Variants in CDH4 observed in about 807,000 individuals in gnomAD.
The protein encoded by CDH4 is cadherin 4, also known as cadherin-4.
Under a neutral mutation model 86.0 loss-of-function variants are expected in CDH4, and 33 were observed. The ratio of observed to expected loss-of-function variants is 0.38; its 90% CI spans 0.29 to 0.51. CDH4 has a LOEUF of 0.51. CDH4 is among the 20% of genes least tolerant of loss of function. The pLI is 0.86. For synonymous variants in CDH4, 555 were observed against 549.4 expected (o/e 1.01, Z -0.14); for missense variants, 1,114 against 1,307.4 (o/e 0.85, Z 2.28).
chr20:61,476,310 G>A lies in CDH4; in HGVS notation c.169+221373G>A, dbSNP rs540886928. ...GCCCTGGTTCCTGTCCTCGGTAGAC[G>A]GAAGTCAAAGCCAACGTTTGCAGGA... is the stretch of plus-strand genomic sequence containing the variant. On this transcript the variant is annotated intron_variant, in intron 2 of 15. Coordinates refer to ENST00000614565, the MANE Select transcript of CDH4 (RefSeq NM_001794.5). Among the ~76,000 whole-genome samples the A allele has an allele frequency of 4.6e-5, 7 of 152,336 alleles. No homozygotes were observed. The South Asian group carries it at 6.2e-4, about 14-fold the overall frequency.
At position 61,681,503 on chromosome 20, in the gene CDH4, C is replaced by T. The variant is rs1164511551; in HGVS notation, c.170-62060C>T. On this transcript the variant is annotated intron_variant, in intron 2 of 15. Coordinates refer to ENST00000614565, the MANE Select transcript of CDH4 (RefSeq NM_001794.5). The surrounding 1 kb of genome is among the most constrained non-coding windows in gnomAD (Gnocchi z 4.5). ...CTGAGGGGTGGGAGAATTAGACAATCCTTGGAACTTGATAACTGTGTGCAT... is the reference window on the plus strand; with the variant it reads ...CTGAGGGGTGGGAGAATTAGACAATTCTTGGAACTTGATAACTGTGTGCAT... Among the ~76,000 whole-genome samples the T allele has an allele frequency of 5.8e-4, 88 of 152,138 alleles. 1 individual carries two copies. The highest frequency in any genetic ancestry group is 5.8e-3 in the Admixed American group (88 of 15,270).
intron 2 of CDH4, among the ~76,000 whole-genome samples, chr20:61,267,666 A>G (rs541985228): frequency 6.6e-6 from 1 of 152,348 alleles, no homozygotes; most frequent in African/African-American, 2.4e-5. Context: ...TCACATAGAT[A>G]TACTGTAAAT....
intron 2 of CDH4, among the ~76,000 whole-genome samples, chr20:61,646,558 G>GAAC (rs1246115280): frequency 6.6e-6 from 1 of 152,246 alleles, no homozygotes; most frequent in Non-Finnish European, 1.5e-5. Flanking sequence ...CAAGTAGAGA[G>GAAC]AACGGGGTTG....
At chr20:61,481,166 C>T (rs1294051318) in intron 2 of CDH4, among the ~76,000 whole-genome samples, 1 of 152,202 alleles carries the variant, frequency 6.6e-6, no homozygotes, top group Non-Finnish European at 1.5e-5. Context: ...TGCAGTTTCA[C>T]CCCCCAGGGA....
intron 2 of CDH4, among the ~76,000 whole-genome samples, chr20:61,686,863 T>C (rs538092793): frequency 6.6e-6 from 1 of 152,324 alleles, no homozygotes; most frequent in South Asian, 2.1e-4. Context: ...GGATTGTGCA[T>C]GTACAGGACG....
chr20:61,436,320 C>A (rs6089622), intron 2 of CDH4, among the ~76,000 whole-genome samples: 11,183 of 152,252 alleles, frequency 0.073, 672 homozygotes, highest in African/African-American at 0.16. Flanking sequence ...CTAGCAGAGG[C>A]AGCTCAGACC....
chr20:61,705,953 C>T (rs2087824728), intron 2 of CDH4, among the ~76,000 whole-genome samples: 1 of 152,222 alleles, frequency 6.6e-6, no homozygotes, highest in South Asian at 2.1e-4. Flanking sequence ...AAATTCCACG[C>T]CGCTTCCTTC....
chr20:61,294,357 G>GCC (rs766946857), intron 2 of CDH4, among the ~76,000 whole-genome samples: 3 of 152,300 alleles, frequency 2.0e-5, no homozygotes, highest in Admixed American at 1.3e-4. Flanking sequence ...CCATCACCCT[G>GCC]CCCTAAGCTC....
intron 2 of CDH4, among the ~76,000 whole-genome samples, chr20:61,483,691 G>T (rs1010769169): frequency 2.3e-5 from 1 of 43,692 alleles, no homozygotes. Flanking sequence ...CCCCGCCCCC[G>T]CTGCCCCCAA....
intron 6 of CDH4, 79 bp downstream of exon 6, chr20:61,852,977 C>A: frequency 1.4e-6 from 2 of 1,443,274 alleles, no homozygotes; most frequent in Non-Finnish European, 1.9e-6. Context: ...CAGGGGAGGG[C>A]TGCTTAGTCC....
chr20:61,718,652 A>C (rs2087992878), intron 2 of CDH4: 1 of 385,224 alleles, frequency 2.6e-6, no homozygotes, highest in Non-Finnish European at 5.4e-6. Flanking sequence ...TTTCAATGGG[A>C]CATTAACTTG....
chr20:61,373,172 G>A (rs926475453), intron 2 of CDH4, among the ~76,000 whole-genome samples: 8 of 152,126 alleles, frequency 5.3e-5, no homozygotes, highest in Admixed American at 3.9e-4. Flanking sequence ...CGACACTCCC[G>A]CCCCCGTCTC....
At chr20:61,926,776 G>A (rs1049369603) in intron 11 of CDH4, among the ~76,000 whole-genome samples, 19 of 152,236 alleles carry the variant, frequency 1.2e-4, no homozygotes, top group African/African-American at 4.6e-4. Flanking sequence ...GGGAGGCTGA[G>A]GCAGGAGAAT....
At chr20:61,441,719 C>T (rs75043510) in intron 2 of CDH4, among the ~76,000 whole-genome samples, 2,255 of 152,280 alleles carry the variant, frequency 0.015, 66 homozygotes, top group African/African-American at 0.051. Flanking sequence ...TCAATAGACA[C>T]CAAATCTGCT....
chr20:61,874,423 A>G (rs573368641), intron 7 of CDH4, among the ~76,000 whole-genome samples: 1 of 152,262 alleles, frequency 6.6e-6, no homozygotes, highest in Non-Finnish European at 1.5e-5. Context: ...GCTGGGTTCC[A>G]TGCGCTCCCA....
rs565921468 is a variant in CDH4 at position 61,342,737 on chromosome 20, A to AGAT, written c.169+87801_169+87803dup. On this transcript the variant is annotated intron_variant, in intron 2 of 15. Coordinates refer to ENST00000614565, the MANE Select transcript of CDH4 (RefSeq NM_001794.5). Reference sequence around the variant, plus strand: ...ATGGGCTGCAGTATCCTGGGCGGGGAGATCCACACAGACCCTCTTCTCTGG... The same window carrying AGAT: ...ATGGGCTGCAGTATCCTGGGCGGGGAGATGATCCACACAGACCCTCTTCTCTGG... 2.9e-4 allele frequency among the ~76,000 whole-genome samples: 44 copies of AGAT among 152,328 alleles called. No individual in the cohort carries two copies. The South Asian group carries it at 8.7e-3, about 30-fold the overall frequency.
intron 2 of CDH4, among the ~76,000 whole-genome samples, chr20:61,367,867 CTTTTTTTTTTT>C (rs372521090): frequency 5.0e-4 from 60 of 119,074 alleles, no homozygotes; most frequent in African/African-American, 2.0e-3. Context: ...TCTCCAGGAT[CTTTTTTTTTTT>C]TTTTTTTTTT....
chr20:61,514,596 T>C (rs2085804872), intron 2 of CDH4, among the ~76,000 whole-genome samples: 1 of 152,156 alleles, frequency 6.6e-6, no homozygotes, highest in Non-Finnish European at 1.5e-5. Flanking sequence ...TTTATTTCCA[T>C]GTTGCGGGGC....
chr20:61,917,755 C>T (rs1245951875), intron 9 of CDH4, among the ~76,000 whole-genome samples: 1 of 152,272 alleles, frequency 6.6e-6, no homozygotes, highest in Non-Finnish European at 1.5e-5. Flanking sequence ...CATGCTGAGC[C>T]TCAGCGAGTA....
Sources: allele counts gnomAD v4.1 joint callset (sites outside exome capture counted in the v4.1 genomes callset), GRCh38; gene constraint gnomAD v4.1.1; non-coding constraint Gnocchi (gnomAD v3.1); transcripts MANE v1.5; gene names NCBI Gene and HGNC (gene_info 2026-07-23, HGNC 2026-07-21).